The following SUCO variants were observed in gnomAD, a reference collection of about 807,000 sequenced individuals.
The protein encoded by SUCO is SUN domain containing ossification factor.
A neutral mutation model predicts 148.1 loss-of-function variants in SUCO; 57 were observed. The observed-to-expected ratio is 0.38, with a 90% CI of 0.31 to 0.48. The LOEUF (loss-of-function observed/expected upper bound fraction) is 0.48, where lower values mean the gene tolerates loss of function less well. Ranked by LOEUF, SUCO falls within the 20% of genes least tolerant of loss-of-function variation. The pLI, the probability that SUCO is intolerant of heterozygous loss-of-function variation, is 0.96. For synonymous variants in SUCO, 470 were observed against 502.7 expected, an observed-to-expected ratio of 0.93 and a Z score of 0.87; for missense variants, 1,331 against 1,468.2, an observed-to-expected ratio of 0.91 and a Z score of 1.53.
At chr1:172,579,130 A>G (rs1655679248) in intron 14 of SUCO, 72 bp from the exon 15 acceptor site, 7 of 828,720 alleles carry the variant, frequency 8.4e-6, no homozygotes, top group Non-Finnish European at 1.4e-5. Flanking sequence ...ACAGGACATA[A>G]TTTGAGCTTT....
intron 1 of SUCO, among the ~76,000 whole-genome samples, chr1:172,541,061 A>G (rs551087163): frequency 1.3e-4 from 20 of 152,334 alleles, no homozygotes; most frequent in Non-Finnish European, 2.4e-4. Flanking sequence ...TTCCACATCC[A>G]CAGATTCAAC....
intron 17 of SUCO, chr1:172,588,138 G>T: frequency 1.0e-6 from 1 of 985,206 alleles, no homozygotes; most frequent in Non-Finnish European, 1.2e-6. Context: ...TATGTTTCTT[G>T]TCCTTAAAGT....
In SUCO at chr1:172,570,143, A is replaced by G; in HGVS notation, c.953A>G (p.Lys318Arg). The G allele has an allele frequency of 6.3e-7, 1 of 1,586,534 alleles. No individual in the cohort carries two copies. Among genetic ancestry groups the G allele is most frequent in the Non-Finnish European group, 8.6e-7 (1 of 1,165,138 alleles). ...TATGCCTCAGTAGAATGTGGTGCCA[A>G]AATTCTAGCAGCTAATCCAGAAGCC... The part of the protein sequence containing the change: ...NNYASVECGA[K>R]ILAANPEAKS... Residue 318 changes from lysine (K) to arginine (R), a missense_variant, in exon 8 of 24, where the codon AAA (lysine) becomes AGA (arginine). This residue lies in a region of SUCO where 992 missense variants were observed against 1,093.5 expected (regional missense o/e 0.91). Coordinates refer to ENST00000263688, the MANE Select transcript of SUCO (RefSeq NM_014283.5).
intron 22 of SUCO, among the ~76,000 whole-genome samples, chr1:172,604,064 T>C (rs890096029): frequency 6.6e-6 from 1 of 151,950 alleles, no homozygotes; most frequent in African/African-American, 2.4e-5. Flanking sequence ...GTTTTATGAA[T>C]TTGCCCTTCT....
chr1:172,560,475 T>G (rs1159358585), intron 6 of SUCO, among the ~76,000 whole-genome samples: 1 of 152,238 alleles, frequency 6.6e-6, no homozygotes. Flanking sequence ...TATTGAGAAA[T>G]ACATTTGCCA....
intron 1 of SUCO, chr1:172,544,131 G>A (rs1652697223): frequency 2.1e-6 from 2 of 973,996 alleles, no homozygotes; most frequent in African/African-American, 3.5e-5. Flanking sequence ...AATTTTCACT[G>A]ATAACTTTAA....
At chr1:172,538,164 T>C (rs1264286298) in intron 1 of SUCO, among the ~76,000 whole-genome samples, 1 of 149,370 alleles carries the variant, frequency 6.7e-6, no homozygotes, top group African/African-American at 2.4e-5. Flanking sequence ...ATTAGATTGC[T>C]GTGGAGGGTA....
chr1:172,532,827 G>T (rs760273610), upstream of SUCO: 6 of 1,575,630 alleles, frequency 3.8e-6, no homozygotes, highest in Non-Finnish European at 2.6e-6. Context: ...AAATGCTGAG[G>T]ATCACTGGGC....
upstream of SUCO, chr1:172,532,671 G>A (rs753744815): frequency 1.2e-6 from 2 of 1,613,904 alleles, no homozygotes; most frequent in Admixed American, 1.7e-5. Context: ...GGTGAGCAGC[G>A]AAACTATAGA....
At chr1:172,550,459 T>C (rs1653206014) in intron 1 of SUCO, among the ~76,000 whole-genome samples, 1 of 152,020 alleles carries the variant, frequency 6.6e-6, no homozygotes, top group African/African-American at 2.4e-5. Flanking sequence ...CTTGGGAATA[T>C]AATTTTTATA....
rs148766591 is a variant in SUCO, at chr1:172,595,941, C to G, written c.2914-4123C>G. ...TTCAAATGTAGATTTGGTCTTTTCA[C>G]ATAGTCCCATATTTCTTGGAGTCCT... is the stretch of plus-strand genomic sequence containing the variant. On this transcript the variant is annotated intron_variant, in intron 19 of 23. Transcript: ENST00000263688. Among the ~76,000 whole-genome samples, 891 of 152,320 alleles carry G rather than the reference C, an allele frequency of 5.8e-3. 12 individuals carry two copies. Among genetic ancestry groups the G allele is most frequent in the African/African-American group, 0.02 (848 of 41,570 alleles).
chr1:172,585,143 T>C, intron 16 of SUCO, 57 bp downstream of exon 16: 1 of 1,338,682 alleles, frequency 7.5e-7, no homozygotes, highest in Non-Finnish European at 1.0e-6. Flanking sequence ...ATCCTTATAT[T>C]TAGGAAAATC....
intron 3 of SUCO, among the ~76,000 whole-genome samples, chr1:172,554,728 ACT>A (rs1242853530): frequency 6.9e-6 from 1 of 144,772 alleles, no homozygotes; most frequent in African/African-American, 2.6e-5. Flanking sequence ...ACAGAGTGAG[ACT>A]CTGTCTCAAA....
intron 3 of SUCO, among the ~76,000 whole-genome samples, chr1:172,554,015 AAAAG>A: frequency 6.6e-6 from 1 of 152,360 alleles, no homozygotes; most frequent in East Asian, 1.9e-4. Context: ...GAATATTAAA[AAAAG>A]AACACACATT....
intron 6 of SUCO, among the ~76,000 whole-genome samples, chr1:172,568,638 T>C (rs1654727416): frequency 1.3e-5 from 2 of 152,212 alleles, no homozygotes; most frequent in East Asian, 1.9e-4. Flanking sequence ...CATCTAAAAT[T>C]ATCTAGCTTC....
intron 17 of SUCO, chr1:172,588,055 G>A (rs1571262329): frequency 1.0e-6 from 1 of 980,586 alleles, no homozygotes; most frequent in East Asian, 1.1e-4. Context: ...AGCCAGAATT[G>A]TTATTAAAGT....
chr1:172,542,077 C>T (rs1652500505), intron 1 of SUCO, among the ~76,000 whole-genome samples: 1 of 152,046 alleles, frequency 6.6e-6, no homozygotes, highest in South Asian at 2.1e-4. Context: ...GACTTGAATG[C>T]AGATAAAATT....
rs1484294698 is a variant in SUCO at position 172,610,129 on chromosome 1, A to G, written c.3635A>G (p.Gln1212Arg). 6.2e-7 allele frequency: 1 copy of G among 1,613,712 alleles called. No individual in the cohort carries two copies. The change falls in exon 24 of 24, where the codon CAA becomes CGA. Residue 1212 changes from glutamine (Q) to arginine (R), a missense_variant. Transcript: ENST00000263688. The stretch of plus-strand genomic sequence containing the variant: ...CGAAGACGATCTAAAGTCCAAGACC[A>G]AGGAAAATTGATAAAAACTCTAATA... ...LKRRRSKVQD[Q>R]GKLIKTLIQT... is the part of the protein sequence containing the mutation.
chr1:172,599,146 G>A (rs781478761), intron 19 of SUCO, among the ~76,000 whole-genome samples: 5 of 152,156 alleles, frequency 3.3e-5, no homozygotes, highest in East Asian at 3.9e-4. Context: ...TGGCTAACAC[G>A]GTGAAACCCC....
Sources: gnomAD v4.1 joint callset for allele counts (sites outside exome capture counted in the v4.1 genomes callset) on GRCh38, gnomAD v4.1.1 for gene constraint, gnomAD v4.1.1 regional missense constraint, MANE v1.5 for transcripts, NCBI Gene and HGNC (gene_info 2026-07-23, HGNC 2026-07-21) for gene names.